Variants in H2BC5 observed in about 807,000 individuals in gnomAD.
The protein encoded by H2BC5 is H2B clustered histone 5.
H2BC5 carries 9 observed loss-of-function variants against 5.7 expected under a neutral mutation model. The observed-to-expected ratio is 1.57, with a 90% CI of 0.95 to 2.74. H2BC5 has a LOEUF of 2.74. Among genes scored for constraint, H2BC5 ranks in the 30% most tolerant of loss-of-function variants. The pLI is 0.00. For missense variants in H2BC5, 175 were observed against 168.8 expected (o/e 1.04, Z -0.20); for synonymous variants, 133 against 70.9 (o/e 1.88, Z -4.40).
chr6:26,168,116 T>C (rs1764461589), intron 1 of H2BC5, among the ~76,000 whole-genome samples: 5 of 152,032 alleles, frequency 3.3e-5, no homozygotes, highest in African/African-American at 1.2e-4. Context: ...CTTTGTACTT[T>C]GTGGTAATTA....
At chr6:26,166,178 G>C (rs1449246081) in intron 1 of H2BC5, among the ~76,000 whole-genome samples, 1 of 152,224 alleles carries the variant, frequency 6.6e-6, no homozygotes, top group Non-Finnish European at 1.5e-5. Context: ...GTAGGAGACA[G>C]TACCACAGGC....
intron 1 of H2BC5, among the ~76,000 whole-genome samples, chr6:26,170,800 C>T (rs183164958): frequency 6.6e-6 from 1 of 152,160 alleles, no homozygotes; most frequent in Non-Finnish European, 1.5e-5. Flanking sequence ...TATTTCTTGA[C>T]TAAGCATGAC....
chr6:26,169,892 C>T (rs1381010378), intron 1 of H2BC5, among the ~76,000 whole-genome samples: 2 of 150,988 alleles, frequency 1.3e-5, no homozygotes, highest in Non-Finnish European at 2.9e-5. Flanking sequence ...CAGGGCGAGA[C>T]TCCATCTCAA....
chr6:26,167,873 ATATT>A lies in H2BC5; in HGVS notation c.*10-3084_*10-3081del, dbSNP rs966671609. On this transcript the variant is annotated intron_variant, in intron 1 of 1. Coordinates refer to the H2BC5 transcript ENST00000289316. The stretch of plus-strand genomic sequence containing the variant: ...TATCTTTACTATGGGCTAGGGTATC[ATATT>A]TATTTATTTATTTATTTTTATTTTT... Among the ~76,000 whole-genome samples, 40 of 151,886 alleles carry A rather than the reference ATATT, an allele frequency of 2.6e-4. 1 individual carries two copies. In the South Asian group the frequency reaches 6.0e-3, roughly 23 times the overall value.
downstream of H2BC5, among the ~76,000 whole-genome samples, chr6:26,158,852 G>A (rs1348060699): frequency 6.6e-6 from 1 of 152,184 alleles, no homozygotes; most frequent in Non-Finnish European, 1.5e-5. Context: ...TGGTTTCCGT[G>A]TGCAGATTTC....
downstream of H2BC5, among the ~76,000 whole-genome samples, chr6:26,160,327 C>G (rs142344691): frequency 2.8e-4 from 42 of 152,022 alleles, no homozygotes; most frequent in East Asian, 7.8e-3. Context: ...GCTAAAATAT[C>G]CCCCCAAAAA....
Position 26,158,594 on chromosome 6 carries a change from T to A in H2BC5, c.*44T>A, listed in dbSNP as rs764867142. 2 of 1,598,430 alleles carry A rather than the reference T, an allele frequency of 1.3e-6. No homozygotes were observed. The highest frequency in any genetic ancestry group is 2.2e-5 in the South Asian group (2 of 89,262). On this transcript the variant is annotated 3_prime_UTR_variant, in exon 1 of 1. Transcript: ENST00000377777. ...TTTACACCTAATCCCAAAGGCTCTT[T>A]TAAGAGCCACGCATGTTTTCAATAA...
intron 1 of H2BC5, among the ~76,000 whole-genome samples, chr6:26,167,049 C>CTTTTTTTT (rs149341201): frequency 4.3e-4 from 42 of 97,034 alleles, no homozygotes; most frequent in East Asian, 1.0e-3. Flanking sequence ...TTTGTTTTCT[C>CTTTTTTTT]TTTTTTTTTT....
At chr6:26,163,486 G>C (rs1057026378), downstream of H2BC5, 2 of 152,126 alleles carry the variant, frequency 1.3e-5, no homozygotes, top group Admixed American at 6.6e-5. Context: ...CCTTGAGGTT[G>C]AAGTCAAGCT....
downstream of H2BC5, chr6:26,161,106 G>A (rs1380300988): frequency 6.6e-6 from 1 of 152,208 alleles, no homozygotes; most frequent in Admixed American, 6.6e-5. Context: ...TACTCAGGAG[G>A]CTGAGGCAGG....
chr6:26,163,357 G>T (rs76388879), downstream of H2BC5: 3 of 152,122 alleles, frequency 2.0e-5, no homozygotes, highest in South Asian at 6.2e-4. Flanking sequence ...AAGCTTAACT[G>T]TGGGGCTCCC....
chr6:26,170,040 C>G (rs1764495705), intron 1 of H2BC5, among the ~76,000 whole-genome samples: 2 of 152,122 alleles, frequency 1.3e-5, no homozygotes, highest in African/African-American at 4.8e-5. Context: ...TTGTCATATA[C>G]TTGGTGTCTC....
intron 1 of H2BC5, among the ~76,000 whole-genome samples, chr6:26,166,902 T>C (rs767486729): frequency 1.3e-5 from 2 of 151,632 alleles, no homozygotes; most frequent in African/African-American, 2.4e-5. Context: ...GGTTTCACCA[T>C]GTTGACGAGG....
intron 1 of H2BC5, among the ~76,000 whole-genome samples, chr6:26,164,590 G>A (rs962553880): frequency 3.7e-5 from 5 of 136,264 alleles, no homozygotes; most frequent in Non-Finnish European, 7.9e-5. Context: ...GAGAGCAAGG[G>A]AGATTTTATA....
chr6:26,158,406 C>G lies in H2BC5; in HGVS notation c.237C>G (p.Ser79=). Residue 79 remains serine (S), a synonymous_variant, in exon 1 of 1, where the codon TCC becomes TCG. Transcript: ENST00000377777. ...TCGAGCGCATCGCAGGCGAGGCTTC[C>G]CGCCTGGCGCATTACAACAAGCGCT... The part of the protein sequence containing the change: ...DIFERIAGEA[S]RLAHYNKRST... The G allele has an allele frequency of 6.2e-7, 1 of 1,614,284 alleles. No homozygotes were observed. Among genetic ancestry groups the G allele is most frequent in the South Asian group, 1.1e-5 (1 of 91,090 alleles).
intron 1 of H2BC5, chr6:26,164,232 C>A: frequency 2.7e-6 from 1 of 366,106 alleles, no homozygotes; most frequent in South Asian, 2.6e-5. Flanking sequence ...CCCAGCAGAC[C>A]TGCCACCATG....
chr6:26,163,684 G>A (rs1764381889), intron 1 of H2BC5: 1 of 152,782 alleles, frequency 6.5e-6, no homozygotes, highest in Non-Finnish European at 1.5e-5. Context: ...TCTCTTAGCA[G>A]GAGAAAAAAG....
downstream of H2BC5, among the ~76,000 whole-genome samples, chr6:26,162,392 G>A (rs1764366282): frequency 6.6e-6 from 1 of 152,176 alleles, no homozygotes; most frequent in Non-Finnish European, 1.5e-5. Context: ...CAAACAATAT[G>A]TCACATTAGA....
chr6:26,168,632 T>C (rs1343340123), intron 1 of H2BC5, among the ~76,000 whole-genome samples: 2 of 152,194 alleles, frequency 1.3e-5, no homozygotes, highest in Non-Finnish European at 2.9e-5. Context: ...TACAATCACC[T>C]GGCTCTGATA....
Sources: gnomAD v4.1 joint callset for allele counts (sites outside exome capture counted in the v4.1 genomes callset) on GRCh38, gnomAD v4.1.1 for gene constraint, MANE v1.5 for transcripts, NCBI Gene and HGNC (gene_info 2026-07-23, HGNC 2026-07-21) for gene names.